Variants in SLC22A24 observed in about 807,000 individuals in gnomAD.
SLC22A24 encodes the protein solute carrier family 22 member 24, also known as steroid transmembrane transporter SLC22A24.
SLC22A24 carries 53 observed loss-of-function variants against 49.8 expected under a neutral mutation model. The observed-to-expected ratio is 1.06, with a 90% confidence interval of 0.85 to 1.34. The LOEUF (loss-of-function observed/expected upper bound fraction) is 1.34. SLC22A24 is among the 40% of genes most tolerant of loss of function. The pLI is 0.00. For missense variants in SLC22A24, 786 were observed against 675.9 expected, an observed-to-expected ratio of 1.16 and a Z score of -1.81; for synonymous variants, 302 against 256.4, an observed-to-expected ratio of 1.18 and a Z score of -1.70.
At chr11:63,121,525 A>AG (rs1285112735) in intron 2 of SLC22A24, among the ~76,000 whole-genome samples, 1 of 51,744 alleles carries the variant, frequency 1.9e-5, no homozygotes, top group Non-Finnish European at 6.0e-5. Context: ...TTGGTGAATG[A>AG]CAAAGGTTAG....
At chr11:63,100,001 C>T (rs1309403592) in intron 5 of SLC22A24, among the ~76,000 whole-genome samples, 1 of 151,932 alleles carries the variant, frequency 6.6e-6, no homozygotes, top group Non-Finnish European at 1.5e-5. Context: ...AAGTCTTATC[C>T]CTAAAATTCA....
At chr11:63,106,894 A>G (rs533210935) in intron 4 of SLC22A24, among the ~76,000 whole-genome samples, 1 of 152,062 alleles carries the variant, frequency 6.6e-6, no homozygotes, top group Admixed American at 6.5e-5. Context: ...GTTCACTCTG[A>G]TGGTAGTTTC....
At position 63,083,448 on chromosome 11, in the gene SLC22A24, G is replaced by T; in HGVS notation, c.1080C>A (p.Ile360=). ...GTATCAGGCCATAAAAGGGTACAGTGATTGCGAATCTGAAGTGAATAAAAA... is the reference window on the plus strand; with the variant it reads ...GTATCAGGCCATAAAAGGGTACAGTTATTGCGAATCTGAAGTGAATAAAAA... ...VFGLCFVRFA[I]TVPFYGLILN... Residue 360 remains isoleucine (I), a synonymous_variant, in exon 7 of 10, where the codon ATC becomes ATA. Coordinates refer to ENST00000612278, the MANE Select transcript of SLC22A24 (RefSeq NM_001136506.2). 6.4e-7 allele frequency: 1 copy of T among 1,550,872 alleles called. No individual in the cohort carries two copies. The highest frequency in any genetic ancestry group is 8.7e-7 in the Non-Finnish European group (1 of 1,146,346).
At chr11:63,100,882 T>TA (rs893178292) in intron 5 of SLC22A24, among the ~76,000 whole-genome samples, 20 of 151,978 alleles carry the variant, frequency 1.3e-4, no homozygotes, top group African/African-American at 4.1e-4. Context: ...TCTCACCATA[T>TA]AAAAAATCAA....
At chr11:63,104,845 T>C (rs1413610627) in intron 4 of SLC22A24, among the ~76,000 whole-genome samples, 2 of 152,180 alleles carry the variant, frequency 1.3e-5, no homozygotes, top group Non-Finnish European at 2.9e-5. Context: ...AAACCAATTA[T>C]GCCTTCCCAA....
At chr11:63,114,984 C>G (rs1313297884) in intron 4 of SLC22A24, among the ~76,000 whole-genome samples, 1 of 152,220 alleles carries the variant, frequency 6.6e-6, no homozygotes, top group East Asian at 1.9e-4. Context: ...TCAGCCCCTA[C>G]TGGGAGGTGT....
chr11:63,100,413 G>A (rs189310293), intron 5 of SLC22A24, among the ~76,000 whole-genome samples: 58 of 152,114 alleles, frequency 3.8e-4, no homozygotes, highest in South Asian at 6.2e-4. Flanking sequence ...GCAAGAAATC[G>A]AAGAGAACAC....
At chr11:63,090,872 T>A (rs970877044) in intron 6 of SLC22A24, among the ~76,000 whole-genome samples, 1 of 151,842 alleles carries the variant, frequency 6.6e-6, no homozygotes, top group Non-Finnish European at 1.5e-5. Context: ...TTAAAAGAAC[T>A]AGAGATGCAA....
intron 6 of SLC22A24, among the ~76,000 whole-genome samples, chr11:63,091,657 C>G (rs1482678320): frequency 2.6e-5 from 4 of 152,074 alleles, no homozygotes; most frequent in Non-Finnish European, 5.9e-5. Flanking sequence ...TGACAAAAAC[C>G]ACATGATTAT....
Position 63,137,282 on chromosome 11 carries a change from TC to T in SLC22A24, c.403-2515del, listed in dbSNP as rs767170257. The stretch of plus-strand genomic sequence containing the variant: ...AGTTTGGAAGGGATAATCTTGAAGT[TC>T]TTGGCTAGGGATCTGATTTGGAAGG... On this transcript the variant is annotated intron_variant, in intron 1 of 9. Coordinates refer to ENST00000612278, the MANE Select transcript of SLC22A24 (RefSeq NM_001136506.2). Among the ~76,000 whole-genome samples the T allele has an allele frequency of 2.0e-5, 3 of 152,304 alleles. No individual in the cohort carries two copies. In the East Asian group the frequency reaches 5.8e-4, roughly 29 times the overall value.
At chr11:63,113,045 T>TATACATATATATATATACATATATATAC in intron 4 of SLC22A24, among the ~76,000 whole-genome samples, 1 of 6,746 alleles carries the variant, frequency 1.5e-4, no homozygotes, top group African/African-American at 2.2e-4. Flanking sequence ...AATATATATA[T>TATACATATATATATATACATATATATAC]ATATATATAC....
intron 4 of SLC22A24, among the ~76,000 whole-genome samples, chr11:63,105,217 G>T (rs572340097): frequency 3.9e-5 from 6 of 152,326 alleles, no homozygotes; most frequent in African/African-American, 1.2e-4. Context: ...TTTGCAGTCT[G>T]GCATTGAGTG....
At chr11:63,094,730 A>G (rs572261807) in intron 6 of SLC22A24, among the ~76,000 whole-genome samples, 3 of 152,342 alleles carry the variant, frequency 2.0e-5, no homozygotes, top group African/African-American at 7.2e-5. Context: ...TCTGATGGCC[A>G]GTGATGGTGA....
At chr11:63,138,001 T>A (rs1483446449) in intron 1 of SLC22A24, 1 of 152,700 alleles carries the variant, frequency 6.5e-6, no homozygotes, top group East Asian at 1.9e-4. Flanking sequence ...ATGAGACTAA[T>A]CTTAGGCTGT....
intron 4 of SLC22A24, among the ~76,000 whole-genome samples, chr11:63,105,628 C>T (rs1054851664): frequency 6.6e-6 from 1 of 152,142 alleles, no homozygotes; most frequent in South Asian, 2.1e-4. Flanking sequence ...ACTCAGGACA[C>T]CTGCCCCTAG....
At chr11:63,118,053 A>T (rs920016891) in intron 4 of SLC22A24, among the ~76,000 whole-genome samples, 2 of 152,196 alleles carry the variant, frequency 1.3e-5, no homozygotes, top group Non-Finnish European at 2.9e-5. Flanking sequence ...TTATGAGGGG[A>T]GCCTTCTCAC....
rs1003657483 is a variant in SLC22A24 at position 63,092,426 on chromosome 11, G to A, written c.1070+3565C>T. ...GTTCAAATTTCAAATGGATCAAAAA[G>A]GACACTGTATAGCCAAGAAAATCCT... is the stretch of plus-strand genomic sequence containing the variant. On this transcript the variant is annotated intron_variant, in intron 6 of 9. Transcript: ENST00000612278. Among the ~76,000 whole-genome samples, 14 of 146,134 alleles carry A rather than the reference G, an allele frequency of 9.6e-5. No individual in the cohort carries two copies. In the East Asian group the frequency reaches 2.9e-3, roughly 30 times the overall value.
In SLC22A24 at chr11:63,088,924, A is replaced by T. The variant is rs2087002949; in HGVS notation, c.1071-5467T>A. Among the ~76,000 whole-genome samples the T allele has an allele frequency of 2.6e-5, 4 of 151,976 alleles. No homozygotes were observed. In the South Asian group the frequency reaches 8.3e-4, roughly 31 times the overall value. On this transcript the variant is annotated intron_variant, in intron 6 of 9. Coordinates refer to ENST00000612278, the MANE Select transcript of SLC22A24 (RefSeq NM_001136506.2). ...CAAAGCCTCCAAGAAACATGAGACTATGAAAAGACACAACCTACGATAAAT... is the reference window on the plus strand; with the variant it reads ...CAAAGCCTCCAAGAAACATGAGACTTTGAAAAGACACAACCTACGATAAAT...
At position 63,143,785 on chromosome 11, in the gene SLC22A24, C is replaced by A. The variant is rs72922304; in HGVS notation, c.-6G>T. On this transcript the variant is annotated 5_prime_UTR_variant, in exon 1 of 10. Coordinates refer to ENST00000612278, the MANE Select transcript of SLC22A24 (RefSeq NM_001136506.2). ...AGGAGCACATCAAAGCCCATTGAGACTGAACAGGTGATCCCCAAGAGGAAG... is the reference window on the plus strand; with the variant it reads ...AGGAGCACATCAAAGCCCATTGAGAATGAACAGGTGATCCCCAAGAGGAAG... 8,732 of 1,387,890 alleles carry A rather than the reference C, an allele frequency of 6.3e-3. 33 individuals carry two copies. Among genetic ancestry groups the A allele is most frequent in the Non-Finnish European group, 7.4e-3 (7,939 of 1,066,496 alleles). The allele number at this position is 1,387,890 out of a possible 1,614,324, so 86.0% of individuals were successfully genotyped here.
Sources: gnomAD v4.1 joint callset for allele counts (sites outside exome capture counted in the v4.1 genomes callset) on GRCh38, gnomAD v4.1.1 for gene constraint, MANE v1.5 for transcripts, NCBI Gene and HGNC (gene_info 2026-07-23, HGNC 2026-07-21) for gene names.